The following FHIP1A variants were observed in gnomAD, a reference collection of about 807,000 sequenced individuals.
The protein encoded by FHIP1A is FHF complex subunit HOOK-interacting protein 1A.
FHIP1A carries 61 observed loss-of-function variants against 88.6 expected under a neutral mutation model. The ratio of observed to expected loss-of-function variants is 0.69; its 90% CI spans 0.56 to 0.85. FHIP1A has a LOEUF of 0.85. Ranked by LOEUF, FHIP1A falls within the 40% of genes least tolerant of loss-of-function variation. The probability of loss-of-function intolerance (pLI) is 0.00; values close to 1 mark genes in which losing one functional copy is unlikely to be tolerated. For missense variants in FHIP1A, 1,154 were observed against 1,273.5 expected, an observed-to-expected ratio of 0.91 and a Z score of 1.43; for synonymous variants, 478 against 496.0, an observed-to-expected ratio of 0.96 and a Z score of 0.48.
chr4:151,604,862 AC>A (rs1735013936), intron 7 of FHIP1A, among the ~76,000 whole-genome samples: 1 of 151,716 alleles, frequency 6.6e-6, no homozygotes, highest in African/African-American at 2.4e-5. Context: ...AAAAAAAAAT[AC>A]TAATAATAAT....
At chr4:151,645,208 C>G (rs1213313438) in intron 9 of FHIP1A, among the ~76,000 whole-genome samples, 1 of 152,054 alleles carries the variant, frequency 6.6e-6, no homozygotes, top group Non-Finnish European at 1.5e-5. Context: ...ATATATCTGC[C>G]CATGGAGACA....
At chr4:151,569,879 G>A (rs969965975) in intron 4 of FHIP1A, among the ~76,000 whole-genome samples, 3 of 152,144 alleles carry the variant, frequency 2.0e-5, no homozygotes, top group Non-Finnish European at 4.4e-5. Context: ...AACTGCTTCT[G>A]GGTCCAGTGA....
chr4:151,656,818 C>T lies in FHIP1A; in HGVS notation c.2789C>T (p.Pro930Leu), dbSNP rs1203220484. ...TTTGCTTCTGTGGAGAGAGACTTCCCAGGGCTCCTCATTCAAGCTCAGCAG... is the reference window on the plus strand; with the variant it reads ...TTTGCTTCTGTGGAGAGAGACTTCCTAGGGCTCCTCATTCAAGCTCAGCAG... ...EQFASVERDF[P>L]GLLIQAQQYL... Residue 930 changes from proline to leucine, a missense_variant, in exon 13 of 14, where the codon CCA (proline) becomes CTA (leucine). Physicochemically the swap from Pro to Leu is moderately conservative, Grantham distance 98. Transcript: ENST00000435205. This position sits in a 1 kb window ranked among gnomAD's most constrained non-coding sequence, Gnocchi z 4.2. The T allele has an allele frequency of 2.6e-6, 4 of 1,551,644 alleles. No homozygotes were observed. Among genetic ancestry groups the T allele is most frequent in the South Asian group, 2.4e-5 (2 of 84,050 alleles).
At chr4:151,517,695 A>T (rs1279403609) in intron 3 of FHIP1A, among the ~76,000 whole-genome samples, 1 of 152,058 alleles carries the variant, frequency 6.6e-6, no homozygotes, top group Non-Finnish European at 1.5e-5. Context: ...GACCTGAAAA[A>T]TTGCTACCTT....
intron 10 of FHIP1A, among the ~76,000 whole-genome samples, chr4:151,648,898 A>C (rs1469701501): frequency 6.6e-6 from 1 of 151,498 alleles, no homozygotes; most frequent in East Asian, 1.9e-4. Context: ...TTCTTGGGTT[A>C]AAATGACTTT....
chr4:151,524,321 GTTAC>G, intron 3 of FHIP1A, among the ~76,000 whole-genome samples: 3 of 150,892 alleles, frequency 2.0e-5, no homozygotes, highest in African/African-American at 7.3e-5. Context: ...AAAAAAAGTT[GTTAC>G]TTAATCTTTC....
At chr4:151,614,933 T>C (rs543920776) in intron 7 of FHIP1A, among the ~76,000 whole-genome samples, 13 of 152,302 alleles carry the variant, frequency 8.5e-5, no homozygotes. Context: ...AATAATGAAT[T>C]TCACCTCTTT....
intron 1 of FHIP1A, among the ~76,000 whole-genome samples, chr4:151,426,347 A>G (rs139375284): frequency 8.9e-4 from 136 of 152,290 alleles, no homozygotes; most frequent in Admixed American, 7.1e-3. Context: ...TGCAACGCTT[A>G]ATTTTTTTTT....
intron 9 of FHIP1A, among the ~76,000 whole-genome samples, chr4:151,642,567 T>C (rs1736625996): frequency 6.6e-6 from 1 of 152,216 alleles, no homozygotes. Context: ...AATGATCTTT[T>C]TGAATTCACT....
Position 151,662,638 on chromosome 4 carries a change from C to G in FHIP1A, c.3007C>G (p.Pro1003Ala), listed in dbSNP as rs541957794. The change falls in exon 14 of 14, where the codon CCC becomes GCC. Residue 1003 changes from proline to alanine, a missense_variant. Coordinates refer to ENST00000435205, the MANE Select transcript of FHIP1A (RefSeq NM_001109977.3). ...PPNLPLPVRN[P>A]MLAAALFPEF... is the part of the protein sequence containing the mutation. ...CAACCTGCCCCTGCCGGTGAGGAACCCCATGCTGGCTGCTGCCCTCTTCCC... is the reference window on the plus strand; with the variant it reads ...CAACCTGCCCCTGCCGGTGAGGAACGCCATGCTGGCTGCTGCCCTCTTCCC... 23 of 1,551,658 alleles carry G rather than the reference C, an allele frequency of 1.5e-5. No individual in the cohort carries two copies. In the East Asian group the frequency reaches 5.4e-4, roughly 36 times the overall value.
intron 1 of FHIP1A, among the ~76,000 whole-genome samples, chr4:151,414,056 G>GTT (rs775202254): frequency 1.4e-5 from 2 of 144,556 alleles, no homozygotes; most frequent in African/African-American, 2.5e-5. Context: ...GTGTTTGTTT[G>GTT]TTTTTTTTTT....
intron 2 of FHIP1A, among the ~76,000 whole-genome samples, chr4:151,464,768 T>A (rs1235606832): frequency 2.0e-5 from 3 of 152,296 alleles, no homozygotes; most frequent in Non-Finnish European, 4.4e-5. Context: ...ACTCACTTTT[T>A]TATTTGATGA....
intron 3 of FHIP1A, among the ~76,000 whole-genome samples, chr4:151,498,440 A>C (rs1044484587): frequency 6.6e-6 from 1 of 152,174 alleles, no homozygotes; most frequent in Non-Finnish European, 1.5e-5. Context: ...TTACCCCAAC[A>C]TCTCCAGGGT....
rs1471332359 is a variant in FHIP1A, at chr4:151,662,699, A to C, written c.3068A>C (p.Glu1023Ala). The C allele has an allele frequency of 2.6e-6, 4 of 1,550,022 alleles. No homozygotes were observed. Among genetic ancestry groups the C allele is most frequent in the Non-Finnish European group, 3.5e-6 (4 of 1,146,794 alleles). ...FLKELAALAQ[E>A]HSILCYKILG... is the part of the protein sequence containing the mutation. The stretch of plus-strand genomic sequence containing the variant: ...AAGGAGCTGGCGGCCTTGGCCCAGG[A>C]ACACTCCATTCTGTGCTACAAGATC... Residue 1023 changes from glutamate (E) to alanine (A), a missense_variant, in exon 14 of 14, where the codon GAA (glutamate) becomes GCA (alanine). Transcript: ENST00000435205.
At chr4:151,565,239 A>G (rs1374354567) in intron 3 of FHIP1A, among the ~76,000 whole-genome samples, 1 of 152,182 alleles carries the variant, frequency 6.6e-6, no homozygotes, top group Non-Finnish European at 1.5e-5. Context: ...TGATCAAACT[A>G]GTGAGACAAT....
At chr4:151,489,075 C>T (rs1730186559) in intron 3 of FHIP1A, among the ~76,000 whole-genome samples, 2 of 152,164 alleles carry the variant, frequency 1.3e-5, no homozygotes, top group South Asian at 4.1e-4. Context: ...TTGAAAGAAG[C>T]AGCTTACCGC....
rs904484231 is a variant in FHIP1A, at chr4:151,663,755, G to A, written c.*1001G>A. 6.6e-6 allele frequency: 1 copy of A among 152,146 alleles called. No individual in the cohort carries two copies. The highest frequency in any genetic ancestry group is 1.5e-5 in the Non-Finnish European group (1 of 68,032). The allele number at this position is 152,146 out of a possible 1,614,324, so 9.4% of individuals were successfully genotyped here. A position where few individuals can be genotyped will look rare whatever the true frequency, so the allele number is the denominator to read the frequency against. ...AAATTCTATTCCCTTTTGCTAGTAA[G>A]CTGCACTTTGTAGAGAAACAGGAAC... On this transcript the variant is annotated 3_prime_UTR_variant, in exon 14 of 14. Coordinates refer to ENST00000435205, the MANE Select transcript of FHIP1A (RefSeq NM_001109977.3).
intron 7 of FHIP1A, among the ~76,000 whole-genome samples, chr4:151,616,999 C>G (rs1242680196): frequency 1.3e-5 from 2 of 152,178 alleles, no homozygotes; most frequent in Non-Finnish European, 2.9e-5. Flanking sequence ...CTGCCCGCCT[C>G]AGCCTCCCAA....
chr4:151,590,047 A>G (rs1303687245), intron 7 of FHIP1A, among the ~76,000 whole-genome samples: 2 of 152,230 alleles, frequency 1.3e-5, no homozygotes, highest in Non-Finnish European at 2.9e-5. Flanking sequence ...AACTCTGGAA[A>G]ATACAGAACT....
Sources: allele counts gnomAD v4.1 joint callset (sites outside exome capture counted in the v4.1 genomes callset), GRCh38; gene constraint gnomAD v4.1.1; non-coding constraint Gnocchi (gnomAD v3.1); transcripts MANE v1.5; gene names NCBI Gene and HGNC (gene_info 2026-07-23, HGNC 2026-07-21).